Variants in RBFOX1 observed in about 807,000 individuals in gnomAD.
The protein encoded by RBFOX1 is RNA binding fox-1 homolog 1, also known as RNA binding protein fox-1 homolog 1.
A neutral mutation model predicts 57.7 loss-of-function variants in RBFOX1; 8 were observed. The ratio of observed to expected loss-of-function variants is 0.14; its 90% CI spans 0.08 to 0.25. The LOEUF (loss-of-function observed/expected upper bound fraction) is 0.25. Among genes scored for constraint, RBFOX1 ranks in the 10% least tolerant of loss-of-function variants. The pLI, the probability that RBFOX1 is intolerant of heterozygous loss-of-function variation, is 1.00. For synonymous variants in RBFOX1, 326 were observed against 222.4 expected, an observed-to-expected ratio of 1.47 and a Z score of -4.15; for missense variants, 611 against 548.5, an observed-to-expected ratio of 1.11 and a Z score of -1.14.
chr16:5,304,451 G>A (rs2151204559), intron 1 of RBFOX1, among the ~76,000 whole-genome samples: 1 of 152,284 alleles, frequency 6.6e-6, no homozygotes, highest in African/African-American at 2.4e-5. Flanking sequence ...GCGTTCTTCT[G>A]ACCTGTGCAC....
At chr16:6,213,671 A>G (rs1485213055) in intron 1 of RBFOX1, among the ~76,000 whole-genome samples, 2 of 152,240 alleles carry the variant, frequency 1.3e-5, no homozygotes, top group Non-Finnish European at 2.9e-5. Flanking sequence ...AAAGAGAAGA[A>G]GAAATACTGG....
At chr16:6,483,839 C>T in intron 2 of RBFOX1, 8 of 1,231,558 alleles carry the variant, frequency 6.5e-6, no homozygotes, top group Non-Finnish European at 8.2e-6. Context: ...GGGGACTTGG[C>T]CGTGGATGGA....
intron 12 of RBFOX1, 122 bp downstream of exon 12, chr16:7,654,069 C>A: frequency 9.6e-7 from 1 of 1,046,038 alleles, no homozygotes; most frequent in South Asian, 1.7e-5. Context: ...GAACCGCCCC[C>A]AGCATGCAGC....
intron 3 of RBFOX1, among the ~76,000 whole-genome samples, chr16:6,713,483 T>C (rs1325455291): frequency 6.6e-6 from 1 of 152,060 alleles, no homozygotes; most frequent in Non-Finnish European, 1.5e-5. Flanking sequence ...GTCCTGTGCA[T>C]TGTAGGATGT....
intron 4 of RBFOX1, among the ~76,000 whole-genome samples, chr16:5,893,467 C>G (rs759279004): frequency 2.0e-5 from 3 of 151,964 alleles, no homozygotes; most frequent in Admixed American, 2.0e-4. Context: ...TAATGGAGAC[C>G]CCATTTAACC....
rs185979247 is a variant in RBFOX1 at position 6,735,794 on chromosome 16, C to T, written c.-16+81144C>T. 3.3e-5 allele frequency among the ~76,000 whole-genome samples: 5 copies of T among 152,236 alleles called. No individual in the cohort carries two copies. In the South Asian group the frequency reaches 6.2e-4, roughly 19 times the overall value. On this transcript the variant is annotated intron_variant, in intron 3 of 15. Coordinates refer to ENST00000550418, the MANE Select transcript of RBFOX1 (RefSeq NM_018723.4). ...GGTGGTGATCTGTGGTTCCTCTCCC[C>T]CTGTGAAGAACACAGACATGAGGAA...
chr16:6,522,985 T>A (rs754684041), intron 2 of RBFOX1, among the ~76,000 whole-genome samples: 1 of 152,180 alleles, frequency 6.6e-6, no homozygotes, highest in African/African-American at 2.4e-5. Flanking sequence ...CTCCTTCTTA[T>A]CTTTTAGGCA....
At chr16:5,388,314 G>C (rs1448536140) in intron 1 of RBFOX1, among the ~76,000 whole-genome samples, 1 of 152,124 alleles carries the variant, frequency 6.6e-6, no homozygotes, top group Non-Finnish European at 1.5e-5. Context: ...TGTAGTGGGA[G>C]GCTTCGGACA....
intron 3 of RBFOX1, among the ~76,000 whole-genome samples, chr16:5,780,684 T>A (rs1054457764): frequency 2.0e-5 from 3 of 152,212 alleles, no homozygotes; most frequent in African/African-American, 7.2e-5. Context: ...TTCTCCAGTC[T>A]GACATATGCT....
At chr16:7,607,200 A>T in intron 9 of RBFOX1, 85 bp from the exon 10 acceptor site, 1 of 1,266,094 alleles carries the variant, frequency 7.9e-7, no homozygotes. Context: ...GAGATACTTT[A>T]ACCCATTTGA....
rs1456446298 is a variant in RBFOX1 at position 7,653,876 on chromosome 16, A to T, written c.819A>T (p.Arg273=). The stretch of plus-strand genomic sequence containing the variant: ...CCGCCTACCGAGGGGCGCACCTGCG[A>T]GGCCGCGGTCGCACCGTGTACAACA... ...AAAAYRGAHL[R]GRGRTVYNTF... The change falls in exon 12 of 16, where the codon CGA becomes CGT. Residue 273 remains arginine (R), a synonymous_variant. Transcript: ENST00000550418. 1.2e-6 allele frequency: 2 copies of T among 1,603,062 alleles called. No homozygotes were observed. The highest frequency in any genetic ancestry group is 8.5e-7 in the Non-Finnish European group (1 of 1,179,030).
At position 7,151,815 on chromosome 16, in the gene RBFOX1, A is replaced by C. The variant is rs915429704; in HGVS notation, c.27+99717A>C. 5.9e-5 allele frequency among the ~76,000 whole-genome samples: 9 copies of C among 152,248 alleles called. No homozygotes were observed. In the Middle Eastern group the frequency reaches 0.017, roughly 288 times the overall value. ...ATCAGGCATTAGATTCTCATAAGCC[A>C]CATGCAACCTAGCTCCTTCGCATGC... On this transcript the variant is annotated intron_variant, in intron 4 of 15. Transcript: ENST00000550418.
At chr16:6,330,961 T>G (rs1322401473) in intron 2 of RBFOX1, among the ~76,000 whole-genome samples, 1 of 152,130 alleles carries the variant, frequency 6.6e-6, no homozygotes, top group East Asian at 1.9e-4. Context: ...AGGATGGAAT[T>G]GAAAGAGCAG....
intron 1 of RBFOX1, among the ~76,000 whole-genome samples, chr16:5,303,524 GA>G (rs1321266937): frequency 2.0e-5 from 3 of 152,168 alleles, no homozygotes; most frequent in Non-Finnish European, 4.4e-5. Context: ...AAACCCTGGA[GA>G]AAAGCTGGCT....
chr16:5,394,671 C>T (rs537701003), intron 1 of RBFOX1, among the ~76,000 whole-genome samples: 7 of 151,516 alleles, frequency 4.6e-5, no homozygotes, highest in African/African-American at 1.7e-4. Flanking sequence ...AAGCAATCCT[C>T]CTAAGTAGCT....
intron 4 of RBFOX1, among the ~76,000 whole-genome samples, chr16:5,923,135 T>C (rs1179344869): frequency 3.3e-5 from 5 of 152,156 alleles, no homozygotes; most frequent in African/African-American, 1.2e-4. Flanking sequence ...ATATGAGAGA[T>C]CAGAAAAATC....
At chr16:6,926,044 C>G (rs1243533902) in intron 3 of RBFOX1, among the ~76,000 whole-genome samples, 1 of 152,004 alleles carries the variant, frequency 6.6e-6, no homozygotes, top group African/African-American at 2.4e-5. Flanking sequence ...CTTGGTGGCT[C>G]GTGTTAGTCC....
intron 3 of RBFOX1, among the ~76,000 whole-genome samples, chr16:6,823,537 G>A (rs2091673098): frequency 6.6e-6 from 1 of 152,198 alleles, no homozygotes; most frequent in African/African-American, 2.4e-5. Flanking sequence ...TATTACAGGA[G>A]GGAGCCACTG....
intron 5 of RBFOX1, among the ~76,000 whole-genome samples, chr16:7,578,480 C>T (rs1402589006): frequency 6.6e-6 from 1 of 152,140 alleles, no homozygotes; most frequent in East Asian, 1.9e-4. Context: ...ATGAAACCTT[C>T]CAGTACATAC....
Sources: gnomAD v4.1 joint callset for allele counts (sites outside exome capture counted in the v4.1 genomes callset) on GRCh38, gnomAD v4.1.1 for gene constraint, MANE v1.5 for transcripts, NCBI Gene and HGNC (gene_info 2026-07-23, HGNC 2026-07-21) for gene names.